LIN28B: variants seen among roughly 807,000 people sequenced by gnomAD.
The protein encoded by LIN28B is protein lin-28 homolog B.
A neutral mutation model predicts 21.9 loss-of-function variants in LIN28B; 5 were observed. The observed-to-expected ratio is 0.23, with a 90% CI of 0.12 to 0.48. The LOEUF (loss-of-function observed/expected upper bound fraction) is 0.48, where lower values mean the gene tolerates loss of function less well. LIN28B is among the 20% of genes least tolerant of loss of function. LIN28B has a pLI of 0.98. For synonymous variants in LIN28B, 109 were observed against 111.3 expected, an observed-to-expected ratio of 0.98 and a Z score of 0.13; for missense variants, 245 against 310.5, an observed-to-expected ratio of 0.79 and a Z score of 1.58.
intron 3 of LIN28B, among the ~76,000 whole-genome samples, chr6:105,050,480 T>TAGTC (rs1771876302): frequency 6.6e-6 from 1 of 151,460 alleles, no homozygotes; most frequent in Non-Finnish European, 1.5e-5. Flanking sequence ...CGGGTGCCTG[T>TAGTC]AGTCCCAGCT....
intron 3 of LIN28B, among the ~76,000 whole-genome samples, chr6:105,056,231 A>G (rs1423158500): frequency 6.7e-6 from 1 of 149,374 alleles, no homozygotes; most frequent in Non-Finnish European, 1.5e-5. Context: ...AATATGGGTC[A>G]CTTTTTCCTG....
intron 3 of LIN28B, among the ~76,000 whole-genome samples, chr6:105,041,714 A>G (rs1293557999): frequency 6.6e-6 from 1 of 152,160 alleles, no homozygotes; most frequent in Non-Finnish European, 1.5e-5. Context: ...TCTCAATGTC[A>G]TTTTTGGACC....
intron 2 of LIN28B, among the ~76,000 whole-genome samples, chr6:104,960,734 T>C (rs1312622756): frequency 6.6e-6 from 1 of 152,150 alleles, no homozygotes; most frequent in Non-Finnish European, 1.5e-5. Context: ...ATACTTTTTC[T>C]CTTAAAAATA....
At chr6:104,964,139 C>T (rs576196975) in intron 2 of LIN28B, among the ~76,000 whole-genome samples, 79 of 152,178 alleles carry the variant, frequency 5.2e-4, no homozygotes, top group African/African-American at 1.7e-3. Context: ...CTATTTTAAC[C>T]GAGCAGCTCT....
At chr6:104,991,416 G>A (rs1405913470) in intron 2 of LIN28B, among the ~76,000 whole-genome samples, 3 of 151,318 alleles carry the variant, frequency 2.0e-5, no homozygotes, top group Admixed American at 6.6e-5. Context: ...TCCCAGACGG[G>A]GCGGCGGGGC....
intron 2 of LIN28B, among the ~76,000 whole-genome samples, chr6:105,019,048 T>C (rs1771084212): frequency 6.6e-6 from 1 of 151,916 alleles, no homozygotes; most frequent in South Asian, 2.1e-4. Flanking sequence ...CGGGTTCAAG[T>C]GATTCTCCTG....
At chr6:105,032,929 C>A (rs1279152364) in intron 3 of LIN28B, among the ~76,000 whole-genome samples, 2 of 152,006 alleles carry the variant, frequency 1.3e-5, no homozygotes, top group Non-Finnish European at 2.9e-5. Context: ...ACTTTAAGAA[C>A]TCTTTGTGTA....
chr6:104,969,999 T>C (rs1162136445), intron 2 of LIN28B, among the ~76,000 whole-genome samples: 4 of 152,168 alleles, frequency 2.6e-5, no homozygotes, highest in Non-Finnish European at 5.9e-5. Context: ...ACACTGGACA[T>C]TGGATACTCC....
intron 3 of LIN28B, among the ~76,000 whole-genome samples, chr6:105,063,488 T>C (rs181925358): frequency 6.6e-6 from 1 of 151,978 alleles, no homozygotes; most frequent in Non-Finnish European, 1.5e-5. Context: ...ATACAAAAAT[T>C]AGCTGGGCAT....
intron 2 of LIN28B, among the ~76,000 whole-genome samples, chr6:105,017,278 G>A (rs74789611): frequency 7.5e-4 from 114 of 152,154 alleles, no homozygotes; most frequent in African/African-American, 2.6e-3. Context: ...TGTGGGTGAG[G>A]GGTAAGGGTG....
chr6:104,963,454 A>G (rs569797704), intron 2 of LIN28B, among the ~76,000 whole-genome samples: 221 of 152,272 alleles, frequency 1.5e-3, no homozygotes, highest in African/African-American at 4.1e-3. Flanking sequence ...CATGTATTTA[A>G]GTCCTACAAA....
intron 2 of LIN28B, 57 bp downstream of exon 2, chr6:104,958,343 G>A: frequency 7.4e-7 from 1 of 1,350,302 alleles, no homozygotes; most frequent in Non-Finnish European, 1.0e-6. Context: ...GGAGCTGATC[G>A]GTAGTTATGC....
chr6:104,989,613 A>C (rs1007108179), intron 2 of LIN28B, among the ~76,000 whole-genome samples: 1 of 31,564 alleles, frequency 3.2e-5, no homozygotes, highest in African/African-American at 9.2e-5. Context: ...CATTTTTTTG[A>C]GACAGAGTCT....
chr6:104,989,042 C>T (rs1434600064), intron 2 of LIN28B, among the ~76,000 whole-genome samples: 2 of 152,044 alleles, frequency 1.3e-5, no homozygotes, highest in Non-Finnish European at 1.5e-5. Context: ...GTGTTCCTGC[C>T]TTCTGTCCTT....
chr6:105,055,905 G>A (rs944509294), intron 3 of LIN28B, among the ~76,000 whole-genome samples: 14 of 137,692 alleles, frequency 1.0e-4, no homozygotes, highest in African/African-American at 3.7e-4. Context: ...GTATGTGCAC[G>A]CCACCATGCC....
chr6:105,002,181 T>TC (rs1169258095), intron 2 of LIN28B, among the ~76,000 whole-genome samples: 1 of 151,492 alleles, frequency 6.6e-6, no homozygotes, highest in East Asian at 1.9e-4. Context: ...TTTTTTTTTT[T>TC]TTTTTTTTAC....
chr6:105,019,468 A>G (rs1472061636), intron 2 of LIN28B, among the ~76,000 whole-genome samples: 2 of 152,098 alleles, frequency 1.3e-5, no homozygotes, highest in African/African-American at 2.4e-5. Context: ...GCCTCATATT[A>G]TTTGCCTTAA....
chr6:105,011,313 C>G (rs1303861272), intron 2 of LIN28B, among the ~76,000 whole-genome samples: 1 of 152,134 alleles, frequency 6.6e-6, no homozygotes, highest in Non-Finnish European at 1.5e-5. Context: ...ACTTCAGCCT[C>G]TAGAGTAGTT....
chr6:104,959,711 T>A (rs574974995), intron 2 of LIN28B, among the ~76,000 whole-genome samples: 1 of 152,304 alleles, frequency 6.6e-6, no homozygotes, highest in East Asian at 1.9e-4. Flanking sequence ...TGAAGCTACA[T>A]TTTCTGTTTT....
Sources: allele counts gnomAD v4.1 joint callset (sites outside exome capture counted in the v4.1 genomes callset), GRCh38; gene constraint gnomAD v4.1.1; transcripts MANE v1.5; gene names NCBI Gene and HGNC (gene_info 2026-07-23, HGNC 2026-07-21).